The following MCF2L2 variants were observed in gnomAD, a reference collection of about 807,000 sequenced individuals.
MCF2L2 encodes the protein probable guanine nucleotide exchange factor MCF2L2.
MCF2L2 carries 102 observed loss-of-function variants against 150.2 expected under a neutral mutation model. That is an observed-to-expected ratio of 0.68 (90% CI 0.58 to 0.80). MCF2L2 has a LOEUF of 0.80. MCF2L2 is among the 30% of genes least tolerant of loss of function. The pLI, the probability that MCF2L2 is intolerant of heterozygous loss-of-function variation, is 0.00. For synonymous variants in MCF2L2, 465 were observed against 491.3 expected, an observed-to-expected ratio of 0.95 and a Z score of 0.71; for missense variants, 1,256 against 1,372.8, an observed-to-expected ratio of 0.91 and a Z score of 1.34.
chr3:183,405,681 C>G (rs922469458), intron 1 of MCF2L2, among the ~76,000 whole-genome samples: 1 of 152,132 alleles, frequency 6.6e-6, no homozygotes, highest in African/African-American at 2.4e-5. Context: ...CTCAGTTTAT[C>G]AATTCTCCAG....
rs777104963 is a variant in MCF2L2 at position 183,341,557 on chromosome 3, A to G, written c.349T>C (p.Ser117Pro). The stretch of plus-strand genomic sequence containing the variant: ...ATATTTACAGCTATTCGTGTCAAGG[A>G]TGCCTTTACGGAGCTCCACTTGTCT... ...RRDKWSSVKA[S>P]LTRIAVAFPG... Residue 117 changes from serine to proline, a missense_variant, in exon 4 of 30, where the codon TCC becomes CCC. Coordinates refer to ENST00000328913, the MANE Select transcript of MCF2L2 (RefSeq NM_015078.4). 3 of 1,613,036 alleles carry G rather than the reference A, an allele frequency of 1.9e-6. No individual in the cohort carries two copies. The East Asian group carries it at 6.7e-5, about 36-fold the overall frequency.
chr3:183,260,884 C>T (rs149369596), intron 15 of MCF2L2, among the ~76,000 whole-genome samples: 84 of 152,344 alleles, frequency 5.5e-4, no homozygotes, highest in African/African-American at 1.9e-3. Context: ...GTATTCTCTG[C>T]AGGAGGATAA....
At chr3:183,274,073 G>A (rs1727011555) in intron 15 of MCF2L2, among the ~76,000 whole-genome samples, 1 of 152,114 alleles carries the variant, frequency 6.6e-6, no homozygotes, top group African/African-American at 2.4e-5. Context: ...AAATCAGCCA[G>A]GTGTGGTGGC....
chr3:183,205,816 T>TC, intron 25 of MCF2L2, 60 bp downstream of exon 25: 7 of 1,257,382 alleles, frequency 5.6e-6, no homozygotes, highest in Non-Finnish European at 8.1e-6. Context: ...AATTTGCACA[T>TC]CCCCCACTGA....
In MCF2L2 at chr3:183,187,301, G is replaced by T. The variant is rs531081273; in HGVS notation, c.3016+5698C>A. On this transcript the variant is annotated intron_variant, in intron 27 of 29. Transcript: ENST00000328913. Reference sequence around the variant, plus strand: ...GACCTGTAGTAAGGCTGGCAGACAGGTTCTTCCTCTGTTAGCTCTGAGGTA... The same window carrying T: ...GACCTGTAGTAAGGCTGGCAGACAGTTTCTTCCTCTGTTAGCTCTGAGGTA... Among the ~76,000 whole-genome samples, 7 of 152,244 alleles carry T rather than the reference G, an allele frequency of 4.6e-5. No individual in the cohort carries two copies. In the East Asian group the frequency reaches 1.2e-3, roughly 25 times the overall value.
intron 3 of MCF2L2, among the ~76,000 whole-genome samples, chr3:183,356,236 C>T (rs555501389): frequency 4.8e-4 from 73 of 151,706 alleles, no homozygotes; most frequent in African/African-American, 1.7e-3. Context: ...AAAGTATTGC[C>T]GGGCATTGTA....
intron 10 of MCF2L2, among the ~76,000 whole-genome samples, chr3:183,304,177 G>C (rs1341520315): frequency 1.3e-5 from 2 of 152,118 alleles, no homozygotes; most frequent in Non-Finnish European, 1.5e-5. Context: ...TCATTATGTT[G>C]TGACCACTTA....
chr3:183,417,286 A>C (rs1028851034), intron 1 of MCF2L2, among the ~76,000 whole-genome samples: 2 of 152,158 alleles, frequency 1.3e-5, no homozygotes, highest in African/African-American at 4.8e-5. Flanking sequence ...TTGGATGCCA[A>C]GGAATGGCTG....
chr3:183,281,362 CTTTT>C (rs773642295), intron 14 of MCF2L2, among the ~76,000 whole-genome samples: 1 of 121,726 alleles, frequency 8.2e-6, no homozygotes, highest in South Asian at 2.7e-4. Context: ...GGAACCTCAC[CTTTT>C]TTTTTTTTTT....
At chr3:183,402,307 G>A (rs1310174105) in intron 1 of MCF2L2, among the ~76,000 whole-genome samples, 1 of 151,754 alleles carries the variant, frequency 6.6e-6, no homozygotes, top group Non-Finnish European at 1.5e-5. Flanking sequence ...TTAGCCGGGC[G>A]TGGTGGGTTT....
At position 183,227,542 on chromosome 3, in the gene MCF2L2, G is replaced by A. The variant is rs1425122790; in HGVS notation, c.2115+755C>T. Reference sequence around the variant, plus strand: ...GTTTAACACCAGTGCTTCTCCTCTTGAGAGCATTAGTACAGCTTTATTGTG... The same window carrying A: ...GTTTAACACCAGTGCTTCTCCTCTTAAGAGCATTAGTACAGCTTTATTGTG... On this transcript the variant is annotated intron_variant, in intron 18 of 29. Coordinates refer to ENST00000328913, the MANE Select transcript of MCF2L2 (RefSeq NM_015078.4). The surrounding 1 kb of genome is among the most constrained non-coding windows in gnomAD (Gnocchi z 4.0). The A allele has an allele frequency of 3.3e-5, 5 of 152,222 alleles. No individual in the cohort carries two copies. Among genetic ancestry groups the A allele is most frequent in the Non-Finnish European group, 5.9e-5 (4 of 68,038 alleles). The allele number at this position is 152,222 out of a possible 1,614,324, so 9.4% of individuals were successfully genotyped here.
At chr3:183,282,451 G>A (rs982532975) in intron 14 of MCF2L2, among the ~76,000 whole-genome samples, 10 of 152,110 alleles carry the variant, frequency 6.6e-5, no homozygotes, top group Non-Finnish European at 1.5e-4. Flanking sequence ...ATTGGCAATA[G>A]TTTGTTTACA....
chr3:183,387,806 C>A (rs1336093089), intron 2 of MCF2L2, among the ~76,000 whole-genome samples: 1 of 152,002 alleles, frequency 6.6e-6, no homozygotes, highest in Non-Finnish European at 1.5e-5. Context: ...ATGGCGGGTG[C>A]CTATAATCCC....
intron 18 of MCF2L2, 27 bp from the exon 19 acceptor site, chr3:183,224,217 T>A: frequency 6.8e-7 from 1 of 1,460,638 alleles, no homozygotes; most frequent in Non-Finnish European, 9.6e-7. Context: ...TAGAATAAAT[T>A]AATCAGGCAG....
chr3:183,389,827 CA>C, intron 1 of MCF2L2, 48 bp from the exon 2 acceptor site: 1 of 1,448,422 alleles, frequency 6.9e-7, no homozygotes, highest in Non-Finnish European at 9.7e-7. Flanking sequence ...GTGCAAATTA[CA>C]AGAAGAAATT....
chr3:183,354,036 C>G (rs1350231845), intron 3 of MCF2L2, among the ~76,000 whole-genome samples: 1 of 152,076 alleles, frequency 6.6e-6, no homozygotes, highest in African/African-American at 2.4e-5. Context: ...ACCTAAAAAA[C>G]TAGTTCAGGC....
intron 7 of MCF2L2, among the ~76,000 whole-genome samples, chr3:183,313,671 G>T (rs1729478247): frequency 3.3e-5 from 5 of 152,130 alleles, no homozygotes; most frequent in Non-Finnish European, 7.4e-5. Flanking sequence ...TAAACTTTTT[G>T]GGTATTTAAT....
intron 15 of MCF2L2, among the ~76,000 whole-genome samples, chr3:183,250,988 C>A (rs1226942771): frequency 1.3e-5 from 2 of 152,200 alleles, no homozygotes; most frequent in Non-Finnish European, 2.9e-5. Flanking sequence ...CTAATCCTCA[C>A]CCACCCTTGC....
intron 10 of MCF2L2, among the ~76,000 whole-genome samples, chr3:183,302,898 G>T (rs1264516186): frequency 1.3e-5 from 2 of 152,038 alleles, no homozygotes; most frequent in Non-Finnish European, 2.9e-5. Flanking sequence ...CTTTAATGTA[G>T]AATTCCTCCC....
Sources: allele counts gnomAD v4.1 joint callset (sites outside exome capture counted in the v4.1 genomes callset), GRCh38; gene constraint gnomAD v4.1.1; non-coding constraint Gnocchi (gnomAD v3.1); transcripts MANE v1.5; gene names NCBI Gene and HGNC (gene_info 2026-07-23, HGNC 2026-07-21).